Variants in ACLY observed in about 807,000 individuals in gnomAD.
ACLY encodes the protein ATP citrate lyase.
Under a neutral mutation model 133.0 loss-of-function variants are expected in ACLY, and 41 were observed. The ratio of observed to expected loss-of-function variants is 0.31; its 90% CI spans 0.24 to 0.40. The LOEUF is 0.40. Ranked by LOEUF, ACLY falls within the 10% of genes least tolerant of loss-of-function variation. ACLY has a pLI of 1.00. For synonymous variants in ACLY, 495 were observed against 549.3 expected, an observed-to-expected ratio of 0.90 and a Z score of 1.38; for missense variants, 1,046 against 1,453.8, an observed-to-expected ratio of 0.72 and a Z score of 4.56.
chr17:41,924,595 A>C (rs1555635802), intron 1 of ACLY, among the ~76,000 whole-genome samples: 3 of 151,714 alleles, frequency 2.0e-5, no homozygotes, highest in African/African-American at 7.3e-5. Flanking sequence ...CTTCCGCACC[A>C]CTCACTTTTG....
At chr17:41,877,250 C>T (rs1157289281) in intron 22 of ACLY, among the ~76,000 whole-genome samples, 3 of 151,650 alleles carry the variant, frequency 2.0e-5, no homozygotes, top group African/African-American at 7.3e-5. Flanking sequence ...AAGCAATTCT[C>T]CTGCCTCAGC....
At chr17:41,905,386 A>C in intron 9 of ACLY, 136 bp downstream of exon 9, 1 of 1,210,688 alleles carries the variant, frequency 8.3e-7, no homozygotes, top group Non-Finnish European at 1.2e-6. Context: ...CTGAGAGCCA[A>C]AGTTCAATGA....
intron 1 of ACLY, among the ~76,000 whole-genome samples, chr17:41,929,018 C>T (rs1555636290): frequency 6.6e-6 from 1 of 152,024 alleles, no homozygotes; most frequent in African/African-American, 2.4e-5. Context: ...AGTTTCACTG[C>T]AGGTCCTTAA....
chr17:41,915,493 G>A (rs1039652655), intron 1 of ACLY, among the ~76,000 whole-genome samples: 4 of 152,212 alleles, frequency 2.6e-5, no homozygotes, highest in Admixed American at 6.5e-5. Context: ...GGCCAGGCTG[G>A]TGGGGCTTCA....
rs533387140 is a variant in ACLY at position 41,889,524 on chromosome 17, CAAAAAAAAAAAA to C, written c.1771-1833_1771-1822del. On this transcript the variant is annotated intron_variant, in intron 16 of 28. Transcript: ENST00000352035. The stretch of plus-strand genomic sequence containing the variant: ...GGTGATGGAGAAAGGCTCCATTTCA[CAAAAAAAAAAAA>C]AAAAAAAAAAAAAAAAAAAAGAAGT... 2.7e-3 allele frequency among the ~76,000 whole-genome samples: 84 copies of C among 31,602 alleles called. No homozygotes were observed. The East Asian group carries it at 0.044, about 16-fold the overall frequency. The allele number at this position is 31,602 out of a possible 152,430, so 20.7% of individuals were successfully genotyped here. A position where few individuals can be genotyped will look rare whatever the true frequency, so the allele number is the denominator to read the frequency against.
In ACLY at chr17:41,901,756, T is replaced by G; in HGVS notation, c.1123A>C (p.Ile375Leu). 1 of 1,608,270 alleles carries G rather than the reference T, an allele frequency of 6.2e-7. No homozygotes were observed. Among genetic ancestry groups the G allele is most frequent in the East Asian group, 2.3e-5 (1 of 44,244 alleles). Residue 375 changes from isoleucine (I) to leucine (L), a missense_variant, in exon 11 of 29, where the codon ATC (isoleucine) becomes CTC (leucine). This residue lies in a region of ACLY where 575 missense variants were observed against 804.2 expected (regional missense o/e 0.71). Coordinates refer to ENST00000352035, the MANE Select transcript of ACLY (RefSeq NM_001096.3). Reference sequence around the variant, plus strand: ...TTGGGGCCACCTCTTCGGACAAAGATTGTGACTTCGTGCTCCTTCAGGGGG... The same window carrying G: ...TTGGGGCCACCTCTTCGGACAAAGAGTGTGACTTCGTGCTCCTTCAGGGGG... ...QGPLKEHEVTIFVRRGGPNYQ... is the reference protein window; with the variant it reads ...QGPLKEHEVTLFVRRGGPNYQ...
upstream of ACLY, among the ~76,000 whole-genome samples, chr17:41,921,391 G>A (rs1474552693): frequency 6.6e-6 from 1 of 150,436 alleles, no homozygotes; most frequent in African/African-American, 2.4e-5. Flanking sequence ...GACCGAGGTG[G>A]AAGGATCACT....
Position 41,878,832 on chromosome 17 carries a change from C to A in ACLY, c.2358G>T (p.Val786=), listed in dbSNP as rs1650554690. Residue 786 remains valine (V), a synonymous_variant, in exon 21 of 29, where the codon GTG becomes GTT. Coordinates refer to ENST00000352035, the MANE Select transcript of ACLY (RefSeq NM_001096.3). ...CTCCAAGCTCATCAAAGCTCCGGGGCACAAACACTCCTGCTTCCTTCAAAG... is the reference window on the plus strand; with the variant it reads ...CTCCAAGCTCATCAAAGCTCCGGGGAACAAACACTCCTGCTTCCTTCAAAG... ...NQALKEAGVF[V]PRSFDELGEI... is the part of the protein sequence containing the mutation. 4 of 1,614,068 alleles carry A rather than the reference C, an allele frequency of 2.5e-6. No individual in the cohort carries two copies. Among genetic ancestry groups the A allele is most frequent in the Non-Finnish European group, 3.4e-6 (4 of 1,179,970 alleles).
At chr17:41,877,394 T>G (rs1555626362) in intron 22 of ACLY, among the ~76,000 whole-genome samples, 1 of 151,864 alleles carries the variant, frequency 6.6e-6, no homozygotes, top group East Asian at 1.9e-4. Context: ...CCGCCCACCC[T>G]GGCCTCCCAA....
upstream of ACLY, among the ~76,000 whole-genome samples, chr17:41,920,994 G>A (rs1020176364): frequency 2.7e-5 from 4 of 150,804 alleles, no homozygotes; most frequent in African/African-American, 7.3e-5. Flanking sequence ...CCCAGGAGGC[G>A]GAGGCAGGAG....
intron 9 of ACLY, 27 bp from the exon 10 acceptor site, chr17:41,904,817 A>T (rs554505226): frequency 6.2e-7 from 1 of 1,602,126 alleles, no homozygotes; most frequent in Non-Finnish European, 8.6e-7. Flanking sequence ...AGAGAATCAA[A>T]AACAGTTACA....
At position 41,890,412 on chromosome 17, in the gene ACLY, C is replaced by T. The variant is rs1295595517; in HGVS notation, c.1770+1867G>A. On this transcript the variant is annotated intron_variant, in intron 16 of 28. Coordinates refer to ENST00000352035, the MANE Select transcript of ACLY (RefSeq NM_001096.3). Reference sequence around the variant, plus strand: ...AAAAAAAAAAAAAATTTGCCGGGCGCGGTGGCTCACGCCTGTAATCCCAGC... The same window carrying T: ...AAAAAAAAAAAAAATTTGCCGGGCGTGGTGGCTCACGCCTGTAATCCCAGC... Among the ~76,000 whole-genome samples the T allele has an allele frequency of 3.1e-4, 47 of 151,062 alleles. 1 individual carries two copies. Among genetic ancestry groups the T allele is most frequent in the Non-Finnish European group, 2.1e-4 (14 of 67,852 alleles).
chr17:41,869,010 CGT>C (rs1567880394), intron 27 of ACLY, 31 bp downstream of exon 27: 2 of 1,562,938 alleles, frequency 1.3e-6, no homozygotes, highest in Non-Finnish European at 1.8e-6. Flanking sequence ...AATCAACAAA[CGT>C]AATGAAGAAG....
intron 20 of ACLY, among the ~76,000 whole-genome samples, chr17:41,882,212 C>T (rs1403129785): frequency 1.3e-5 from 2 of 151,340 alleles, no homozygotes; most frequent in African/African-American, 2.4e-5. Context: ...ACTAAGAATA[C>T]AAAAATTAGC....
chr17:41,917,409 T>A (rs781863137), intron 1 of ACLY, among the ~76,000 whole-genome samples: 1 of 152,128 alleles, frequency 6.6e-6, no homozygotes, highest in African/African-American at 2.4e-5. Flanking sequence ...AGGGGCCTTA[T>A]GAGCTGAATG....
At chr17:41,870,697 A>G (rs963969121) in intron 25 of ACLY, 1 of 152,194 alleles carries the variant, frequency 6.6e-6, no homozygotes, top group African/African-American at 2.4e-5. Context: ...AACTGTTTCA[A>G]ATATTTACTG....
Position 41,883,298 on chromosome 17 carries a change from T to C in ACLY, c.2155-66A>G, listed in dbSNP as rs572699196. 55 of 1,378,288 alleles carry C rather than the reference T, an allele frequency of 4.0e-5. No individual in the cohort carries two copies. In the African/African-American group the frequency reaches 7.1e-4, roughly 18 times the overall value. The allele number at this position is 1,378,288 out of a possible 1,614,324, so 85.4% of individuals were successfully genotyped here. On this transcript the variant is annotated intron_variant, in intron 19 of 28. Coordinates refer to ENST00000352035, the MANE Select transcript of ACLY (RefSeq NM_001096.3). ...AGCCCATCCTGACGTAAAAACTGGA[T>C]AGAAAATGGAGTGACACGGGCTTTG...
Position 41,878,891 on chromosome 17 carries a change from G to C in ACLY, c.2299C>G (p.Gln767Glu). ...TTGGCTACTGCAGTTTCAGAAGCCT[G>C]GTTGGCACAAGCTCCAGCATGGCCA... ...QFGHAGACANQASETAVAKNQ... is the reference protein window; with the variant it reads ...QFGHAGACANEASETAVAKNQ... The change falls in exon 21 of 29, where the codon CAG (glutamine) becomes GAG (glutamate). Residue 767 changes from glutamine to glutamate, a missense_variant. Around this residue, in one of 4 missense-constraint regions of ACLY, gnomAD observed 575 missense variants for 804.2 expected, o/e 0.71. Transcript: ENST00000352035. The C allele has an allele frequency of 1.2e-6, 2 of 1,614,110 alleles. No individual in the cohort carries two copies. The highest frequency in any genetic ancestry group is 1.7e-6 in the Non-Finnish European group (2 of 1,179,992).
chr17:41,925,060 G>A (rs2050226408), intron 1 of ACLY, among the ~76,000 whole-genome samples: 1 of 151,230 alleles, frequency 6.6e-6, no homozygotes, highest in South Asian at 2.1e-4. Flanking sequence ...TTTTGAGATG[G>A]AGTTTCACTC....
Sources: allele counts gnomAD v4.1 joint callset (sites outside exome capture counted in the v4.1 genomes callset), GRCh38; gene constraint gnomAD v4.1.1; regional missense constraint gnomAD v4.1.1; transcripts MANE v1.5; gene names NCBI Gene and HGNC (gene_info 2026-07-23, HGNC 2026-07-21).